Variants in TENT4B observed in about 807,000 individuals in gnomAD.
TENT4B encodes terminal nucleotidyltransferase 4B, also known as PAP associated domain containing 5.
A neutral mutation model predicts 75.0 loss-of-function variants in TENT4B; 10 were observed. The observed-to-expected ratio is 0.13, with a 90% CI of 0.08 to 0.23. The LOEUF is 0.23. Ranked by LOEUF, TENT4B falls within the 10% of genes least tolerant of loss-of-function variation. The probability of loss-of-function intolerance (pLI) is 1.00; values close to 1 mark genes in which losing one functional copy is unlikely to be tolerated. For synonymous variants in TENT4B, 350 were observed against 357.7 expected (o/e 0.98, Z 0.24); for missense variants, 579 against 893.8 (o/e 0.65, Z 4.49).
At chr16:50,218,462 G>A (rs777179563) in intron 5 of TENT4B, among the ~76,000 whole-genome samples, 6 of 151,894 alleles carry the variant, frequency 4.0e-5, no homozygotes, top group Non-Finnish European at 7.4e-5. Flanking sequence ...TCAGTCTCAT[G>A]AGTACCTGGG....
At chr16:50,196,134 T>C (rs975748051) in intron 1 of TENT4B, among the ~76,000 whole-genome samples, 3 of 152,210 alleles carry the variant, frequency 2.0e-5, no homozygotes, top group Non-Finnish European at 4.4e-5. Flanking sequence ...AAATTTGGTC[T>C]GAGGGATTTG....
At position 50,216,154 on chromosome 16, in the gene TENT4B, GT is replaced by G; in HGVS notation, c.890del (p.Val297AlafsTer7). 1 of 1,613,998 alleles carries G rather than the reference GT, an allele frequency of 6.2e-7. No individual in the cohort carries two copies. The highest frequency in any genetic ancestry group is 8.5e-7 in the Non-Finnish European group (1 of 1,179,884). ...TLEEALRKHK[V>X]ADEDSVKVLD... ...GGAAGAAGCTCTTCGGAAACACAAA[GT>G]CGCAGATGAGGATTCGGTGAAAGTT... is the stretch of plus-strand genomic sequence containing the variant. On this transcript the variant is annotated frameshift_variant, in exon 4 of 12. Transcript: ENST00000561678. LOFTEE classifies it high-confidence loss of function.
chr16:50,206,803 C>G (rs1049412846), intron 1 of TENT4B, among the ~76,000 whole-genome samples: 1 of 151,792 alleles, frequency 6.6e-6, no homozygotes, highest in Non-Finnish European at 1.5e-5. Context: ...CTTTTCCAGC[C>G]AAAGATCTTG....
At position 50,232,151 on chromosome 16, in the gene TENT4B, A is replaced by C. The variant is rs1386118660; in HGVS notation, c.*2823A>C. ...GTGTCAGCACAAAATCTTACTGGTT[A>C]TGTTTTGATGATAAAAGTATATCCA... is the stretch of plus-strand genomic sequence containing the variant. On this transcript the variant is annotated 3_prime_UTR_variant, in exon 12 of 12. Transcript: ENST00000561678. The C allele has an allele frequency of 1.0e-6, 1 of 985,286 alleles. No homozygotes were observed. The highest frequency in any genetic ancestry group is 1.2e-6 in the Non-Finnish European group (1 of 829,928). 61.0% of individuals were successfully genotyped at this position (985,286 alleles called of 1,614,324 possible).
rs1334135587 is a variant in TENT4B, at chr16:50,153,498, A to AGCG, written c.-122_-121insGGC. On this transcript the variant is annotated 5_prime_UTR_variant, in exon 1 of 12. Transcript: ENST00000561678. ...CCCGCGGCGGGCCCCGAGCAGCAGC[A>AGCG]GCAGCAGCAGCGGCAGCAGCGGCAG... 2.7e-4 allele frequency: 260 copies of AGCG among 974,604 alleles called. No homozygotes were observed. Among genetic ancestry groups the AGCG allele is most frequent in the Admixed American group, 2.3e-3 (36 of 15,642 alleles). 60.4% of individuals were successfully genotyped at this position (974,604 alleles called of 1,614,324 possible).
chr16:50,217,940 A>AT (rs758049566), intron 5 of TENT4B, among the ~76,000 whole-genome samples: 4,682 of 131,648 alleles, frequency 0.036, 231 homozygotes, highest in African/African-American at 0.11. Context: ...TATTTTTTGT[A>AT]TTTTTTTTTT....
intron 10 of TENT4B, among the ~76,000 whole-genome samples, chr16:50,227,261 G>A (rs1438284756): frequency 6.6e-6 from 1 of 152,240 alleles, no homozygotes; most frequent in Admixed American, 6.5e-5. Context: ...GAGATGGAGT[G>A]TTGGGGACTG....
intron 1 of TENT4B, among the ~76,000 whole-genome samples, chr16:50,197,733 A>C (rs1384124149): frequency 6.6e-6 from 1 of 152,238 alleles, no homozygotes; most frequent in Non-Finnish European, 1.5e-5. Context: ...GAAGTGAGGT[A>C]CAGAAACAGC....
chr16:50,229,740 A>ATAGGAAGTC lies in TENT4B; in HGVS notation c.*413_*421dup. Reference sequence around the variant, plus strand: ...TGGGGAAGGAAAACAAAGGTATCTGATAGGAAGTCCAGATTCCAAAGGGGA... The same window carrying ATAGGAAGTC: ...TGGGGAAGGAAAACAAAGGTATCTGATAGGAAGTCTAGGAAGTCCAGATTCCAAAGGGGA... On this transcript the variant is annotated 3_prime_UTR_variant, in exon 12 of 12. Coordinates refer to ENST00000561678, the MANE Select transcript of TENT4B (RefSeq NM_001365324.3). 1 of 988,254 alleles carries ATAGGAAGTC rather than the reference A, an allele frequency of 1.0e-6. No homozygotes were observed. Among genetic ancestry groups the ATAGGAAGTC allele is most frequent in the South Asian group, 4.7e-5 (1 of 21,302 alleles). The allele number at this position is 988,254 out of a possible 1,614,324, so 61.2% of individuals were successfully genotyped here.
chr16:50,178,116 T>G (rs1416716807), intron 1 of TENT4B, among the ~76,000 whole-genome samples: 1 of 150,864 alleles, frequency 6.6e-6, no homozygotes, highest in African/African-American at 2.4e-5. Context: ...TTTGTTAAGG[T>G]GCTCTTTGTG....
intron 1 of TENT4B, among the ~76,000 whole-genome samples, chr16:50,201,830 T>TA (rs57061694): frequency 0.023 from 3,123 of 136,686 alleles, 50 homozygotes; most frequent in Middle Eastern, 0.049. Flanking sequence ...ATACTCTATT[T>TA]AAAAAAAAAA....
intron 1 of TENT4B, among the ~76,000 whole-genome samples, chr16:50,210,449 CTT>C (rs2031221759): frequency 6.6e-6 from 1 of 152,204 alleles, no homozygotes; most frequent in Non-Finnish European, 1.5e-5. Flanking sequence ...ATGTGTGTGT[CTT>C]TTGTTTCTGG....
chr16:50,234,642 A>T lies in TENT4B; in HGVS notation c.*5314A>T, dbSNP rs117713285. 6 of 985,402 alleles carry T rather than the reference A, an allele frequency of 6.1e-6. No individual in the cohort carries two copies. The African/African-American group carries it at 1.0e-4, about 17-fold the overall frequency. The allele number at this position is 985,402 out of a possible 1,614,324, so 61.0% of individuals were successfully genotyped here. A position where few individuals can be genotyped will look rare whatever the true frequency, so the allele number is the denominator to read the frequency against. On this transcript the variant is annotated 3_prime_UTR_variant, in exon 12 of 12. Transcript: ENST00000561678. The stretch of plus-strand genomic sequence containing the variant: ...TGAAACTTACAGAAGTCACTTTAAA[A>T]AAGTCTTTTGAAAGTCCTACAATCC...
Position 50,211,440 on chromosome 16 carries a change from C to T in TENT4B, c.756C>T (p.Ser252=), listed in dbSNP as rs776190513. 38 of 1,581,920 alleles carry T rather than the reference C, an allele frequency of 2.4e-5. No homozygotes were observed. Among genetic ancestry groups the T allele is most frequent in the Non-Finnish European group, 3.0e-5 (35 of 1,170,888 alleles). Residue 252 remains serine, a synonymous_variant, in exon 2 of 12, where the codon AGC becomes AGT. Coordinates refer to ENST00000561678, the MANE Select transcript of TENT4B (RefSeq NM_001365324.3). ...IESVIKELWP[S]ADVQIFGSFK... is the part of the protein sequence containing the mutation. ...GTGTAATTAAGGAGCTCTGGCCCAG[C>T]GCTGACGTGAGTCCCTTCCTGGGTA...
intron 10 of TENT4B, among the ~76,000 whole-genome samples, chr16:50,226,466 C>G (rs1439682307): frequency 6.6e-6 from 1 of 152,186 alleles, no homozygotes; most frequent in African/African-American, 2.4e-5. Flanking sequence ...GAGTCTCGCT[C>G]TGTCGCCCAG....
rs375411229 is a variant in TENT4B at position 50,172,124 on chromosome 16, C to T, written c.638+17865C>T. ...CAGAACTTTGAGAGGCCAAGGCAGG[C>T]AGATCAGTTGAAGCCAGGAGTTTGA... is the stretch of plus-strand genomic sequence containing the variant. On this transcript the variant is annotated intron_variant, in intron 1 of 11. Coordinates refer to ENST00000561678, the MANE Select transcript of TENT4B (RefSeq NM_001365324.3). Among the ~76,000 whole-genome samples the T allele has an allele frequency of 3.3e-5, 5 of 152,218 alleles. No individual in the cohort carries two copies. In the East Asian group the frequency reaches 7.7e-4, roughly 23 times the overall value.
intron 1 of TENT4B, among the ~76,000 whole-genome samples, chr16:50,210,716 C>T (rs2031234692): frequency 6.6e-6 from 1 of 152,198 alleles, no homozygotes; most frequent in African/African-American, 2.4e-5. Context: ...AGAGCCTGCC[C>T]TCTGCTGGGG....
rs1392736866 is a variant in TENT4B, at chr16:50,153,903, C to T, written c.282C>T (p.His94=). ...CCGGGGAGCGCCTGCTGGGCAGCCA[C>T]GCGCTGCCCGCGGAGCAGCGGGACT... ...YRSGERLLGS[H]ALPAEQRDFL... Residue 94 remains histidine (H), a synonymous_variant, in exon 1 of 12, where the codon CAC becomes CAT. Coordinates refer to ENST00000561678, the MANE Select transcript of TENT4B (RefSeq NM_001365324.3). 7.9e-6 allele frequency: 12 copies of T among 1,525,200 alleles called. No homozygotes were observed. Among genetic ancestry groups the T allele is most frequent in the Admixed American group, 2.0e-5 (1 of 50,124 alleles). The allele number at this position is 1,525,200 out of a possible 1,614,324, so 94.5% of individuals were successfully genotyped here.
At chr16:50,175,518 C>G (rs949772890) in intron 1 of TENT4B, among the ~76,000 whole-genome samples, 1 of 152,100 alleles carries the variant, frequency 6.6e-6, no homozygotes, top group African/African-American at 2.4e-5. Context: ...TGGAGTCTCG[C>G]TTTGTCGCCA....
Sources: allele counts gnomAD v4.1 joint callset (sites outside exome capture counted in the v4.1 genomes callset), GRCh38; gene constraint gnomAD v4.1.1; transcripts MANE v1.5; gene names NCBI Gene and HGNC (gene_info 2026-07-23, HGNC 2026-07-21).